The following RSRC1 variants were observed in gnomAD, a reference collection of about 807,000 sequenced individuals.
The protein encoded by RSRC1 is serine/Arginine-related protein 53.
In RSRC1, 39 loss-of-function variants were observed where a neutral mutation model predicts 49.1. The observed-to-expected ratio is 0.79, with a 90% CI of 0.61 to 1.04. The LOEUF (loss-of-function observed/expected upper bound fraction) is 1.04. RSRC1 is among the 50% of genes least tolerant of loss of function. The pLI is 0.00. For synonymous variants in RSRC1, 143 were observed against 130.8 expected (o/e 1.09, Z -0.63); for missense variants, 388 against 402.4 (o/e 0.96, Z 0.31).
intron 7 of RSRC1, among the ~76,000 whole-genome samples, chr3:158,514,583 T>G (rs930028475): frequency 6.6e-6 from 1 of 152,074 alleles, no homozygotes; most frequent in Admixed American, 6.5e-5. Flanking sequence ...CTGAAAAAAA[T>G]GTATATTCTG....
At chr3:158,425,598 T>C (rs1043087612) in intron 6 of RSRC1, among the ~76,000 whole-genome samples, 6 of 151,926 alleles carry the variant, frequency 3.9e-5, no homozygotes, top group Non-Finnish European at 8.8e-5. Context: ...GTCTATTAGG[T>C]CCGCTTGGTG....
At chr3:158,490,716 T>A (rs549862188) in intron 7 of RSRC1, among the ~76,000 whole-genome samples, 2 of 152,296 alleles carry the variant, frequency 1.3e-5, no homozygotes, top group Admixed American at 1.3e-4. Context: ...ATGTGATAGA[T>A]CTGTAGGTGA....
chr3:158,517,037 A>G (rs1442645902), intron 7 of RSRC1, among the ~76,000 whole-genome samples: 1 of 152,200 alleles, frequency 6.6e-6, no homozygotes, highest in African/African-American at 2.4e-5. Flanking sequence ...TCAGATGGAA[A>G]TGCAGAAATC....
At chr3:158,419,378 T>A (rs1734918024) in intron 6 of RSRC1, among the ~76,000 whole-genome samples, 1 of 151,592 alleles carries the variant, frequency 6.6e-6, no homozygotes, top group Non-Finnish European at 1.5e-5. Context: ...AAATAGAGAG[T>A]GGCCATTTGT....
At chr3:158,313,013 C>G (rs1031590487) in intron 5 of RSRC1, among the ~76,000 whole-genome samples, 1 of 152,118 alleles carries the variant, frequency 6.6e-6, no homozygotes, top group Non-Finnish European at 1.5e-5. Context: ...GTCATACTTT[C>G]CACATTATGC....
intron 3 of RSRC1, among the ~76,000 whole-genome samples, chr3:158,195,780 T>G (rs574471511): frequency 7.2e-5 from 11 of 152,332 alleles, no homozygotes; most frequent in African/African-American, 2.6e-4. Flanking sequence ...CTTGTTTTTG[T>G]CAGTTTGGTC....
chr3:158,157,223 A>G (rs944711742), intron 3 of RSRC1, among the ~76,000 whole-genome samples: 11 of 152,230 alleles, frequency 7.2e-5, no homozygotes, highest in East Asian at 1.9e-4. Context: ...ATACATGCCA[A>G]TGATTAATCT....
intron 6 of RSRC1, among the ~76,000 whole-genome samples, chr3:158,454,360 A>G (rs891012624): frequency 6.6e-6 from 1 of 152,162 alleles, no homozygotes; most frequent in Admixed American, 6.5e-5. Context: ...AGTGAAATAT[A>G]TACACATGTA....
intron 6 of RSRC1, among the ~76,000 whole-genome samples, chr3:158,388,482 A>G (rs1733081278): frequency 6.6e-6 from 1 of 152,154 alleles, no homozygotes; most frequent in South Asian, 2.1e-4. Context: ...TGAGGCTTAG[A>G]GAAGTTAGGA....
chr3:158,333,156 G>C (rs919136994), intron 5 of RSRC1, among the ~76,000 whole-genome samples: 2 of 151,984 alleles, frequency 1.3e-5, no homozygotes, highest in African/African-American at 4.8e-5. Flanking sequence ...TTTTAGTAGA[G>C]ACAGGGTTTC....
At chr3:158,121,579 G>C (rs1025257660) in intron 1 of RSRC1, among the ~76,000 whole-genome samples, 1 of 151,888 alleles carries the variant, frequency 6.6e-6, no homozygotes, top group African/African-American at 2.4e-5. Flanking sequence ...GACTAATGAG[G>C]TTTTAGCTAT....
chr3:158,167,249 C>T (rs1048521182), intron 3 of RSRC1, among the ~76,000 whole-genome samples: 1 of 152,042 alleles, frequency 6.6e-6, no homozygotes, highest in Non-Finnish European at 1.5e-5. Flanking sequence ...TGCAGTAGTA[C>T]GATCTCGGCT....
intron 3 of RSRC1, among the ~76,000 whole-genome samples, chr3:158,199,265 T>C (rs1387257632): frequency 6.6e-6 from 1 of 152,138 alleles, no homozygotes; most frequent in Non-Finnish European, 1.5e-5. Context: ...AACCTCTTTC[T>C]TTTGTAAATT....
intron 4 of RSRC1, among the ~76,000 whole-genome samples, chr3:158,220,159 AG>A (rs1722153745): frequency 6.6e-6 from 1 of 151,526 alleles, no homozygotes; most frequent in Non-Finnish European, 1.5e-5. Flanking sequence ...TAATGTATTA[AG>A]GAAGGGTTTG....
At chr3:158,329,926 A>T (rs898193278) in intron 5 of RSRC1, among the ~76,000 whole-genome samples, 2 of 152,192 alleles carry the variant, frequency 1.3e-5, no homozygotes, top group Non-Finnish European at 2.9e-5. Flanking sequence ...CTCAAGCCTC[A>T]GCAGCGGTGG....
chr3:158,185,256 T>C (rs1400106649), intron 3 of RSRC1, among the ~76,000 whole-genome samples: 1 of 151,970 alleles, frequency 6.6e-6, no homozygotes, highest in East Asian at 1.9e-4. Flanking sequence ...CACTATTTAT[T>C]TGGCTAGGTG....
intron 6 of RSRC1, among the ~76,000 whole-genome samples, chr3:158,427,212 C>CT (rs893278068): frequency 6.6e-6 from 1 of 151,564 alleles, no homozygotes; most frequent in Non-Finnish European, 1.5e-5. Context: ...GGAAAGGAGG[C>CT]TAGACTGAAG....
chr3:158,329,517 G>C (rs1729407620), intron 5 of RSRC1, among the ~76,000 whole-genome samples: 1 of 152,196 alleles, frequency 6.6e-6, no homozygotes, highest in Non-Finnish European at 1.5e-5. Flanking sequence ...GCCCCTGTTT[G>C]CCTGGGTATC....
At chr3:158,283,107 T>C (rs1320703592) in intron 4 of RSRC1, among the ~76,000 whole-genome samples, 2 of 152,160 alleles carry the variant, frequency 1.3e-5, no homozygotes, top group Non-Finnish European at 1.5e-5. Context: ...TTAGGAAGAT[T>C]CTATTTGTAT....
Sources: allele counts gnomAD v4.1 joint callset (sites outside exome capture counted in the v4.1 genomes callset), GRCh38; gene constraint gnomAD v4.1.1; transcripts MANE v1.5; gene names NCBI Gene and HGNC (gene_info 2026-07-23, HGNC 2026-07-21).